SBK1: variants seen among roughly 807,000 people sequenced by gnomAD.
SBK1 encodes serine/threonine-protein kinase SBK1.
In SBK1, 11 loss-of-function variants were observed where a neutral mutation model predicts 24.4. That is an observed-to-expected ratio of 0.45 (90% CI 0.28 to 0.75). The LOEUF (loss-of-function observed/expected upper bound fraction) is 0.75. Among genes scored for constraint, SBK1 ranks in the 30% least tolerant of loss-of-function variants. The probability of loss-of-function intolerance (pLI) is 0.12; values close to 1 mark genes in which losing one functional copy is unlikely to be tolerated. For synonymous variants in SBK1, 308 were observed against 284.4 expected, an observed-to-expected ratio of 1.08 and a Z score of -0.83; for missense variants, 467 against 620.5, an observed-to-expected ratio of 0.75 and a Z score of 2.63.
At chr16:28,314,124 T>G (rs2044774290) in intron 1 of SBK1, among the ~76,000 whole-genome samples, 1 of 141,536 alleles carries the variant, frequency 7.1e-6, no homozygotes, top group Admixed American at 7.2e-5. Context: ...AAGGCACTGT[T>G]GTTGTTGTTG....
Position 28,320,721 on chromosome 16 carries a change from A to C in SBK1, c.1075A>C (p.Ser359Arg). The part of the protein sequence containing the change: ...GPLKRTVLTE[S>R]GSGSRPAPPA... ...GCTCAAGCGGACGGTGCTGACCGAG[A>C]GCGGCAGCGGCTCCCGGCCCGCGCC... The change falls in exon 4 of 4, where the codon AGC (serine) becomes CGC (arginine). Residue 359 changes from serine to arginine, a missense_variant. Around this residue, in one of 4 missense-constraint regions of SBK1, gnomAD observed 166 missense variants for 146.8 expected, o/e 1.13. Transcript: ENST00000341901. This position sits in a 1 kb window ranked among gnomAD's most constrained non-coding sequence, Gnocchi z 8.5. 8.7e-7 allele frequency: 1 copy of C among 1,151,066 alleles called. No homozygotes were observed. 71.3% of individuals were successfully genotyped at this position (1,151,066 alleles called of 1,614,324 possible).
At chr16:28,306,397 A>G (rs12445975) in intron 1 of SBK1, among the ~76,000 whole-genome samples, 2,022 of 152,318 alleles carry the variant, frequency 0.013, 28 homozygotes, top group Admixed American at 0.023. Flanking sequence ...ATGAATCAAT[A>G]TACTTCCTTT....
chr16:28,302,959 C>G (rs1427554147), intron 1 of SBK1, among the ~76,000 whole-genome samples: 4 of 117,124 alleles, frequency 3.4e-5, no homozygotes, highest in Non-Finnish European at 8.0e-5. Flanking sequence ...TAGAGCAGGG[C>G]ATGGGGGGGG....
intron 1 of SBK1, among the ~76,000 whole-genome samples, chr16:28,312,259 G>C (rs1288822148): frequency 2.0e-5 from 3 of 152,228 alleles, no homozygotes; most frequent in Non-Finnish European, 4.4e-5. Context: ...AGGCCCCGGG[G>C]AGGCCTGCAC....
rs150666379 is a variant in SBK1, at chr16:28,302,335, C to T, written c.-8+9035C>T. Among the ~76,000 whole-genome samples, 551 of 152,374 alleles carry T rather than the reference C, an allele frequency of 3.6e-3. 2 individuals carry two copies. Among genetic ancestry groups the T allele is most frequent in the Non-Finnish European group, 5.5e-3 (371 of 68,040 alleles). On this transcript the variant is annotated intron_variant, in intron 1 of 3. Transcript: ENST00000341901. ...GTGAATAGGAGATTCCACAAGTGAA[C>T]AGACTTCTGCACTGGAGTAAACAAA...
chr16:28,317,479 C>A lies in SBK1; in HGVS notation c.88C>A (p.Pro30Thr), dbSNP rs770811209. 1 of 1,614,134 alleles carries A rather than the reference C, an allele frequency of 6.2e-7. No individual in the cohort carries two copies. The highest frequency in any genetic ancestry group is 8.5e-7 in the Non-Finnish European group (1 of 1,179,980). The change falls in exon 2 of 4, where the codon CCC becomes ACC. Residue 30 changes from proline to threonine, a missense_variant. Physicochemically the swap from Pro to Thr is conservative, Grantham distance 38. Transcript: ENST00000341901. The surrounding 1 kb of genome is among the most constrained non-coding windows in gnomAD (Gnocchi z 4.2). The stretch of plus-strand genomic sequence containing the variant: ...TGCCCCTGGGCCTGGTGCCGGTGTG[C>A]CCCTTCTCACTGAAGACATGCAGGC... ...GTAPGPGAGV[P>T]LLTEDMQALT...
At chr16:28,307,015 C>T (rs1411059042) in intron 1 of SBK1, among the ~76,000 whole-genome samples, 1 of 152,190 alleles carries the variant, frequency 6.6e-6, no homozygotes, top group Non-Finnish European at 1.5e-5. Context: ...ATCTGCAGGG[C>T]AAGGTGCTCT....
At chr16:28,305,830 C>T (rs1450065106) in intron 1 of SBK1, among the ~76,000 whole-genome samples, 5 of 152,202 alleles carry the variant, frequency 3.3e-5, no homozygotes, top group African/African-American at 4.8e-5. Context: ...CATGAGCTAC[C>T]GCACCCAGCC....
At chr16:28,275,156 C>T (rs12446454) in intron 1 of SBK1, among the ~76,000 whole-genome samples, 76,339 of 151,776 alleles carry the variant, frequency 0.5, 19,887 homozygotes, top group East Asian at 0.81. Context: ...TGAGACCCTC[C>T]CCCATCTCTA....
rs2141575406 is a variant in SBK1, at chr16:28,292,590, G to T, written c.-718G>T. 1.0e-6 allele frequency: 1 copy of T among 980,392 alleles called. No homozygotes were observed. The highest frequency in any genetic ancestry group is 4.7e-5 in the South Asian group (1 of 21,350). The allele number at this position is 980,392 out of a possible 1,614,324, so 60.7% of individuals were successfully genotyped here. On this transcript the variant is annotated 5_prime_UTR_variant, in exon 1 of 4. Transcript: ENST00000341901. ...GGGGCCCGAGCGCCAGGCGGAGCGCGAGCTGGAGCCGCAGCCGGAGCCCGG... is the reference window on the plus strand; with the variant it reads ...GGGGCCCGAGCGCCAGGCGGAGCGCTAGCTGGAGCCGCAGCCGGAGCCCGG...
chr16:28,292,315 A>G (rs181052342), upstream of SBK1: 10,677 of 91,980 alleles, frequency 0.12, 820 homozygotes, highest in African/African-American at 0.26. Context: ...GCTAGGACCC[A>G]GCGCGGCCGG....
chr16:28,296,986 G>A (rs1383350865), intron 1 of SBK1, among the ~76,000 whole-genome samples: 1 of 152,140 alleles, frequency 6.6e-6, no homozygotes, highest in East Asian at 1.9e-4. Flanking sequence ...GTCCAAGCTG[G>A]TCTAAGTTTT....
intron 1 of SBK1, among the ~76,000 whole-genome samples, chr16:28,275,686 C>G (rs1365750609): frequency 6.6e-6 from 1 of 152,024 alleles, no homozygotes; most frequent in African/African-American, 2.4e-5. Context: ...TCAAGACCAG[C>G]CTTGGCAACA....
At chr16:28,275,625 A>T (rs1481611559) in intron 1 of SBK1, among the ~76,000 whole-genome samples, 1 of 152,038 alleles carries the variant, frequency 6.6e-6, no homozygotes, top group Non-Finnish European at 1.5e-5. Context: ...CATGTCTGTA[A>T]TTCCAGCACT....
chr16:28,303,034 T>C (rs912969735), intron 1 of SBK1, among the ~76,000 whole-genome samples: 4 of 150,414 alleles, frequency 2.7e-5, no homozygotes, highest in African/African-American at 9.8e-5. Context: ...ACAGAACTTG[T>C]AGGGAATGAG....
upstream of SBK1, chr16:28,292,479 C>T (rs889404848): frequency 1.1e-6 from 1 of 950,352 alleles, no homozygotes; most frequent in African/African-American, 1.8e-5. Flanking sequence ...AGGGCGGAGC[C>T]GCGGGCCGGG....
At chr16:28,271,142 C>T (rs2044463108) in intron 1 of SBK1, among the ~76,000 whole-genome samples, 1 of 152,030 alleles carries the variant, frequency 6.6e-6, no homozygotes, top group Non-Finnish European at 1.5e-5. Context: ...GGATTACAGG[C>T]GTGAGCCACT....
intron 1 of SBK1, 35 bp downstream of exon 1, chr16:28,293,335 T>A (rs967592767): frequency 5.4e-5 from 52 of 963,522 alleles, no homozygotes; most frequent in Non-Finnish European, 5.7e-5. Flanking sequence ...GGCAGGTGAG[T>A]GGCCACCGAG....
intron 1 of SBK1, among the ~76,000 whole-genome samples, chr16:28,300,486 A>ATT (rs35329712): frequency 1.4e-5 from 2 of 146,288 alleles, no homozygotes; most frequent in Admixed American, 1.4e-4. Flanking sequence ...TGCCTGGCTC[A>ATT]TTTTTTTTTT....
Sources: gnomAD v4.1 joint callset for allele counts (sites outside exome capture counted in the v4.1 genomes callset) on GRCh38, gnomAD v4.1.1 for gene constraint, gnomAD v4.1.1 regional missense constraint, Gnocchi (gnomAD v3.1) non-coding constraint, MANE v1.5 for transcripts, NCBI Gene and HGNC (gene_info 2026-07-23, HGNC 2026-07-21) for gene names.